STK39: variants seen among roughly 807,000 people sequenced by gnomAD.
STK39 encodes the protein serine/threonine kinase 39, also known as STE20/SPS1-related proline-alanine-rich protein kinase.
Under a neutral mutation model 77.8 loss-of-function variants are expected in STK39, and 20 were observed. That is an observed-to-expected ratio of 0.26 (90% CI 0.18 to 0.37). The LOEUF (loss-of-function observed/expected upper bound fraction) is 0.37. Among genes scored for constraint, STK39 ranks in the 10% least tolerant of loss-of-function variants. STK39 has a pLI of 1.00. For missense variants in STK39, 479 were observed against 656.5 expected, an observed-to-expected ratio of 0.73 and a Z score of 2.95; for synonymous variants, 246 against 234.1, an observed-to-expected ratio of 1.05 and a Z score of -0.47.
chr2:168,080,367 C>T (rs1345397362), intron 10 of STK39, among the ~76,000 whole-genome samples: 1 of 152,170 alleles, frequency 6.6e-6, no homozygotes, highest in Non-Finnish European at 1.5e-5. Context: ...CAGTGGCTTA[C>T]ACCTGTAATC....
chr2:168,012,096 C>T (rs1684285122), intron 16 of STK39, among the ~76,000 whole-genome samples: 1 of 151,888 alleles, frequency 6.6e-6, no homozygotes, highest in South Asian at 2.1e-4. Context: ...TGTTATATTT[C>T]CAATAAATGA....
In STK39 at chr2:168,028,267, T is replaced by C. The variant is rs1394018941; in HGVS notation, c.1377-11172A>G. ...ATCCAGAATTTTAAAAATGGTAATA[T>C]TTTGTCATATTTACTTCAGAGCTGA... On this transcript the variant is annotated intron_variant, in intron 14 of 17. Transcript: ENST00000355999. 2.6e-5 allele frequency among the ~76,000 whole-genome samples: 4 copies of C among 152,282 alleles called. No individual in the cohort carries two copies. In the East Asian group the frequency reaches 5.8e-4, roughly 22 times the overall value.
chr2:168,054,533 G>C (rs971498324), intron 14 of STK39, among the ~76,000 whole-genome samples: 3 of 152,230 alleles, frequency 2.0e-5, no homozygotes, highest in Admixed American at 6.5e-5. Flanking sequence ...AATTCTCAAA[G>C]AAAACAACCA....
intron 14 of STK39, among the ~76,000 whole-genome samples, chr2:168,034,516 A>C (rs969054104): frequency 6.6e-6 from 1 of 152,216 alleles, no homozygotes; most frequent in Non-Finnish European, 1.5e-5. Flanking sequence ...CCATTTTGCC[A>C]GTGGCTGGCC....
In STK39 at chr2:168,098,003, C is replaced by A. The variant is rs115811490; in HGVS notation, c.1090-22772G>T. ...TAGAAGCTAAATGATTTTCTAGAAGCCTCATAGCAAACGAACACTAACCCT... is the reference window on the plus strand; with the variant it reads ...TAGAAGCTAAATGATTTTCTAGAAGACTCATAGCAAACGAACACTAACCCT... On this transcript the variant is annotated intron_variant, in intron 10 of 17. Coordinates refer to ENST00000355999, the MANE Select transcript of STK39 (RefSeq NM_013233.3). 8.5e-3 allele frequency among the ~76,000 whole-genome samples: 1,301 copies of A among 152,258 alleles called. 21 individuals are homozygous for A. The highest frequency in any genetic ancestry group is 0.029 in the African/African-American group (1,216 of 41,550).
At chr2:168,075,038 T>C in intron 11 of STK39, 27 bp from the exon 12 acceptor site, 2 of 1,613,738 alleles carry the variant, frequency 1.2e-6, no homozygotes, top group Non-Finnish European at 1.7e-6. Context: ...TATCCATTAA[T>C]ATATATACAC....
chr2:168,075,030 T>C lies in STK39; in HGVS notation c.1213-19A>G. The C allele has an allele frequency of 6.2e-7, 1 of 1,613,880 alleles. No individual in the cohort carries two copies. Among genetic ancestry groups the C allele is most frequent in the Non-Finnish European group, 8.5e-7 (1 of 1,179,918 alleles). ...TTCGTGACTGTAAAACAATTATGTATCCATTAATATATATACACACACACA... is the reference window on the plus strand; with the variant it reads ...TTCGTGACTGTAAAACAATTATGTACCCATTAATATATATACACACACACA... On this transcript the variant is annotated intron_variant, in intron 11 of 17. Coordinates refer to ENST00000355999, the MANE Select transcript of STK39 (RefSeq NM_013233.3).
chr2:168,089,771 G>A (rs537747779), intron 10 of STK39, among the ~76,000 whole-genome samples: 149 of 152,228 alleles, frequency 9.8e-4, no homozygotes, highest in Admixed American at 1.8e-3. Flanking sequence ...CCGCCACCAC[G>A]CCCAGCTAAC....
chr2:168,087,066 G>A (rs1686386959), intron 10 of STK39, among the ~76,000 whole-genome samples: 1 of 152,218 alleles, frequency 6.6e-6, no homozygotes, highest in Non-Finnish European at 1.5e-5. Flanking sequence ...GAGAACGATA[G>A]GAACACTCTG....
intron 14 of STK39, among the ~76,000 whole-genome samples, chr2:168,018,546 GAA>G (rs374817786): frequency 9.1e-6 from 1 of 109,314 alleles, no homozygotes; most frequent in African/African-American, 3.5e-5. Context: ...AGAAAAGAAA[GAA>G]AGAAAGAAAG....
At chr2:168,012,345 G>GT (rs1684290597) in intron 16 of STK39, among the ~76,000 whole-genome samples, 1 of 152,032 alleles carries the variant, frequency 6.6e-6, no homozygotes, top group Non-Finnish European at 1.5e-5. Flanking sequence ...GGTTAATTTT[G>GT]TATTTTTAGT....
Position 167,955,492 on chromosome 2 carries a change from T to C in STK39, c.*4A>G, listed in dbSNP as rs1041705994. On this transcript the variant is annotated 3_prime_UTR_variant, in exon 18 of 18. Coordinates refer to ENST00000355999, the MANE Select transcript of STK39 (RefSeq NM_013233.3). ...CAGATCAGGGTGACATCAAGGGACA[T>C]ACATCAGCTGACACTCAACTGAGCA... The C allele has an allele frequency of 1.7e-5, 28 of 1,613,472 alleles. No individual in the cohort carries two copies. The highest frequency in any genetic ancestry group is 2.3e-5 in the Non-Finnish European group (27 of 1,179,794).
At chr2:168,235,634 G>A (rs1271836749) in intron 1 of STK39, among the ~76,000 whole-genome samples, 2 of 122,170 alleles carry the variant, frequency 1.6e-5, no homozygotes, top group African/African-American at 6.5e-5. Context: ...GCCCCAGAGT[G>A]TGATGTTCCC....
At chr2:168,159,957 G>A (rs891103392) in intron 5 of STK39, among the ~76,000 whole-genome samples, 13 of 152,140 alleles carry the variant, frequency 8.5e-5, no homozygotes, top group Non-Finnish European at 1.6e-4. Flanking sequence ...GCACGTACTG[G>A]GTCACAACAG....
chr2:168,021,121 C>T (rs1434856697), intron 14 of STK39, among the ~76,000 whole-genome samples: 1 of 152,178 alleles, frequency 6.6e-6, no homozygotes, highest in African/African-American at 2.4e-5. Flanking sequence ...TTCATTTCCT[C>T]TCTTCCTTTC....
At chr2:168,187,625 T>TC (rs1158003698) in intron 1 of STK39, among the ~76,000 whole-genome samples, 2 of 152,124 alleles carry the variant, frequency 1.3e-5, no homozygotes, top group African/African-American at 4.8e-5. Flanking sequence ...CTTAGGGAAA[T>TC]CCCCCCAGGT....
chr2:168,056,403 C>T (rs138822278), intron 14 of STK39, among the ~76,000 whole-genome samples: 104 of 152,162 alleles, frequency 6.8e-4, no homozygotes, highest in African/African-American at 2.3e-3. Context: ...CCATAAAATG[C>T]TATGTCAAAA....
chr2:168,206,740 T>C lies in STK39; in HGVS notation c.209-24650A>G, dbSNP rs148430999. Among the ~76,000 whole-genome samples the C allele has an allele frequency of 1.5e-3, 227 of 152,310 alleles. 3 individuals carry two copies. The highest frequency in any genetic ancestry group is 0.012 in the Admixed American group (188 of 15,302). On this transcript the variant is annotated intron_variant, in intron 1 of 17. Transcript: ENST00000355999. Reference sequence around the variant, plus strand: ...GGATCTAGAAAACAGACACCCAATATTCCACTCACTTCTGGCAGAGAATTA... The same window carrying C: ...GGATCTAGAAAACAGACACCCAATACTCCACTCACTTCTGGCAGAGAATTA...
intron 10 of STK39, among the ~76,000 whole-genome samples, chr2:168,128,230 G>C (rs2105504541): frequency 6.6e-6 from 1 of 152,244 alleles, no homozygotes; most frequent in South Asian, 2.1e-4. Context: ...TACTATATAA[G>C]CTAATGGCTT....
Sources: gnomAD v4.1 joint callset for allele counts (sites outside exome capture counted in the v4.1 genomes callset) on GRCh38, gnomAD v4.1.1 for gene constraint, MANE v1.5 for transcripts, NCBI Gene and HGNC (gene_info 2026-07-23, HGNC 2026-07-21) for gene names.